Variants in KLHL36 observed in about 807,000 individuals in gnomAD.
KLHL36 encodes kelch like family member 36, also known as kelch-like protein 36.
A neutral mutation model predicts 53.3 loss-of-function variants in KLHL36; 35 were observed. That is an observed-to-expected ratio of 0.66 (90% CI 0.50 to 0.87). The LOEUF is 0.87. KLHL36 is among the 40% of genes least tolerant of loss of function. KLHL36 has a pLI of 0.00. For missense variants in KLHL36, 864 were observed against 897.6 expected (o/e 0.96, Z 0.48); for synonymous variants, 472 against 398.9 (o/e 1.18, Z -2.18).
rs900733059 is a variant in KLHL36, at chr16:84,667,345, T to C, written c.*5212T>C. On this transcript the variant is annotated 3_prime_UTR_variant, in exon 5 of 5. Transcript: ENST00000564996. ...AGATATTTGATGATTAAGTGATTCA[T>C]TGGGTATGTTCTGGCTACTGATGTT... 3 of 152,224 alleles carry C rather than the reference T, an allele frequency of 2.0e-5. No homozygotes were observed. The highest frequency in any genetic ancestry group is 2.1e-4 in the South Asian group (1 of 4,832). 9.4% of individuals were successfully genotyped at this position (152,224 alleles called of 1,614,324 possible). A position where few individuals can be genotyped will look rare whatever the true frequency, so the allele number is the denominator to read the frequency against.
chr16:84,660,930 C>T (rs917029112), intron 4 of KLHL36, among the ~76,000 whole-genome samples: 4 of 152,204 alleles, frequency 2.6e-5, no homozygotes, highest in Non-Finnish European at 5.9e-5. Flanking sequence ...CCATATTGAT[C>T]CTTTCTTATT....
At chr16:84,654,324 G>A (rs1255441309) in intron 2 of KLHL36, among the ~76,000 whole-genome samples, 1 of 152,180 alleles carries the variant, frequency 6.6e-6, no homozygotes, top group Non-Finnish European at 1.5e-5. Context: ...TCCAGTCAAT[G>A]TCTGTAGAAG....
rs570190072 is a variant in KLHL36, at chr16:84,665,637, A to G, written c.*3504A>G. 6.6e-6 allele frequency: 1 copy of G among 152,242 alleles called. No individual in the cohort carries two copies. The highest frequency in any genetic ancestry group is 1.5e-5 in the Non-Finnish European group (1 of 68,038). 9.4% of individuals were successfully genotyped at this position (152,242 alleles called of 1,614,324 possible). A position where few individuals can be genotyped will look rare whatever the true frequency, so the allele number is the denominator to read the frequency against. ...ATATTGAGTGCCCTCACTCATGATA[A>G]GGTGACTTCATGGAGACCCAGAAAC... On this transcript the variant is annotated 3_prime_UTR_variant, in exon 5 of 5. Coordinates refer to ENST00000564996, the MANE Select transcript of KLHL36 (RefSeq NM_024731.4).
In KLHL36 at chr16:84,664,910, C is replaced by T. The variant is rs1907756418; in HGVS notation, c.*2777C>T. 6.6e-6 allele frequency: 1 copy of T among 152,236 alleles called. No homozygotes were observed. Among genetic ancestry groups the T allele is most frequent in the Non-Finnish European group, 1.5e-5 (1 of 68,082 alleles). The allele number at this position is 152,236 out of a possible 1,614,324, so 9.4% of individuals were successfully genotyped here. On this transcript the variant is annotated 3_prime_UTR_variant, in exon 5 of 5. Transcript: ENST00000564996. ...GGGATGGTGGGGCATGCAGTAGTCC[C>T]AGCTGCTTAGGAGGCTGAGGTGGGA...
In KLHL36 at chr16:84,661,463, C is replaced by G; in HGVS notation, c.1296-115C>G. ...AGAGTGTTCATGGGGTGCCCACTCC[C>G]TATATTCTTAAATCCTCATGGCCCT... On this transcript the variant is annotated intron_variant, in intron 4 of 4. Coordinates refer to ENST00000564996, the MANE Select transcript of KLHL36 (RefSeq NM_024731.4). This position sits in a 1 kb window ranked among gnomAD's most constrained non-coding sequence, Gnocchi z 7.9. 1.9e-6 allele frequency: 2 copies of G among 1,050,112 alleles called. No individual in the cohort carries two copies. Among genetic ancestry groups the G allele is most frequent in the Non-Finnish European group, 2.8e-6 (2 of 722,998 alleles). The allele number at this position is 1,050,112 out of a possible 1,614,324, so 65.0% of individuals were successfully genotyped here.
At chr16:84,655,019 T>C (rs1423992654) in intron 2 of KLHL36, among the ~76,000 whole-genome samples, 1 of 152,066 alleles carries the variant, frequency 6.6e-6, no homozygotes, top group African/African-American at 2.4e-5. Context: ...AAAAGCCCGG[T>C]GTAGGCCAGC....
At chr16:84,658,149 G>A (rs1031013094) in intron 3 of KLHL36, 73 of 485,644 alleles carry the variant, frequency 1.5e-4, no homozygotes, top group Middle Eastern at 5.2e-4. Flanking sequence ...CGAGGGGTCC[G>A]TCATCGTTCA....
chr16:84,652,750 C>A (rs759045576), intron 2 of KLHL36, among the ~76,000 whole-genome samples: 36 of 152,354 alleles, frequency 2.4e-4, no homozygotes, highest in Non-Finnish European at 4.0e-4. Flanking sequence ...TGAACTTTGT[C>A]TAAACGGGAT....
chr16:84,664,443 C>T lies in KLHL36; in HGVS notation c.*2310C>T. 1 of 152,240 alleles carries T rather than the reference C, an allele frequency of 6.6e-6. No homozygotes were observed. Among genetic ancestry groups the T allele is most frequent in the African/African-American group, 2.4e-5 (1 of 41,540 alleles). The allele number at this position is 152,240 out of a possible 1,614,324, so 9.4% of individuals were successfully genotyped here. On this transcript the variant is annotated 3_prime_UTR_variant, in exon 5 of 5. Transcript: ENST00000564996. Reference sequence around the variant, plus strand: ...TTATGTTTTGCTTCTGGGACTTGTCCCTGGAAATGTGTGAGCTTCTGGCCT... The same window carrying T: ...TTATGTTTTGCTTCTGGGACTTGTCTCTGGAAATGTGTGAGCTTCTGGCCT...
intron 3 of KLHL36, 21 bp downstream of exon 3, chr16:84,657,965 TTTC>T: frequency 6.8e-7 from 1 of 1,480,496 alleles, no homozygotes; most frequent in South Asian, 1.4e-5. Context: ...AGCCAGATTA[TTTC>T]TTTTCTCTTG....
chr16:84,658,025 TCTGGGGCCTTGACAACTATCCTG>T, intron 3 of KLHL36, 81 bp downstream of exon 3: 1 of 1,054,824 alleles, frequency 9.5e-7, no homozygotes, highest in Non-Finnish European at 1.3e-6. Flanking sequence ...TCCTTACCTC[TCTGGGGCCTTGACAACTATCCTG>T]CTTCTGAATG....
At position 84,657,717 on chromosome 16, in the gene KLHL36, G is replaced by A. The variant is rs1308355357; in HGVS notation, c.910G>A (p.Val304Ile). ...GCGCCTGCTGTTTGTGGGCGGCGAG[G>A]TCTCCGAGCGGTGTCTGGAGCTCAG... The part of the protein sequence containing the change: ...QERLLFVGGE[V>I]SERCLELSDD... Residue 304 changes from valine to isoleucine, a missense_variant, in exon 3 of 5, where the codon GTC becomes ATC. Transcript: ENST00000564996. 1 of 1,612,552 alleles carries A rather than the reference G, an allele frequency of 6.2e-7. No homozygotes were observed. The highest frequency in any genetic ancestry group is 8.5e-7 in the Non-Finnish European group (1 of 1,179,752).
Position 84,655,512 on chromosome 16 carries a change from G to C in KLHL36, c.64-1359G>C, listed in dbSNP as rs561014304. 4.6e-5 allele frequency among the ~76,000 whole-genome samples: 7 copies of C among 152,064 alleles called. No homozygotes were observed. The South Asian group carries it at 1.5e-3, about 32-fold the overall frequency. ...GAATCACTTGAGCCCAGGAGGTCAA[G>C]GGCGACATAGTGAGACCTCGTCTCT... On this transcript the variant is annotated intron_variant, in intron 2 of 4. Coordinates refer to ENST00000564996, the MANE Select transcript of KLHL36 (RefSeq NM_024731.4).
chr16:84,654,140 A>G (rs1185435168), intron 2 of KLHL36, among the ~76,000 whole-genome samples: 1 of 152,140 alleles, frequency 6.6e-6, no homozygotes, highest in Non-Finnish European at 1.5e-5. Context: ...CCGTCTAAGC[A>G]TGGTAGGGCC....
chr16:84,650,373 C>T (rs1906785806), intron 1 of KLHL36, among the ~76,000 whole-genome samples: 1 of 152,150 alleles, frequency 6.6e-6, no homozygotes, highest in African/African-American at 2.4e-5. Context: ...GCTGGACAGA[C>T]CGAGGCGTGA....
chr16:84,649,892 C>G (rs2150716365), intron 1 of KLHL36, among the ~76,000 whole-genome samples: 1 of 152,324 alleles, frequency 6.6e-6, no homozygotes, highest in Non-Finnish European at 1.5e-5. Context: ...CAGTATGTGA[C>G]TTGTGCTAAT....
chr16:84,665,529 T>C lies in KLHL36; in HGVS notation c.*3396T>C, dbSNP rs1907788957. ...TCAACTGTGGTTAGCACGCAATTGGTATTTTTATTGTTCTGCCATTTTATT... is the reference window on the plus strand; with the variant it reads ...TCAACTGTGGTTAGCACGCAATTGGCATTTTTATTGTTCTGCCATTTTATT... On this transcript the variant is annotated 3_prime_UTR_variant, in exon 5 of 5. Transcript: ENST00000564996. 1 of 152,218 alleles carries C rather than the reference T, an allele frequency of 6.6e-6. No homozygotes were observed. Among genetic ancestry groups the C allele is most frequent in the East Asian group, 1.9e-4 (1 of 5,198 alleles). The allele number at this position is 152,218 out of a possible 1,614,324, so 9.4% of individuals were successfully genotyped here.
In KLHL36 at chr16:84,657,000, G is replaced by T. The variant is rs758692556; in HGVS notation, c.193G>T (p.Ala65Ser). The T allele has an allele frequency of 6.2e-7, 1 of 1,614,116 alleles. No homozygotes were observed. The highest frequency in any genetic ancestry group is 1.1e-5 in the South Asian group (1 of 91,090). The change falls in exon 3 of 5, where the codon GCC (alanine) becomes TCC (serine). Residue 65 changes from alanine to serine, a missense_variant. Coordinates refer to ENST00000564996, the MANE Select transcript of KLHL36 (RefSeq NM_024731.4). Reference sequence around the variant, plus strand: ...TGTGCCAGCCCATCGCAACCTGCTGGCCGTGTGCAGCGACTACTTCAACTC... The same window carrying T: ...TGTGCCAGCCCATCGCAACCTGCTGTCCGTGTGCAGCGACTACTTCAACTC... ...QRVPAHRNLL[A>S]VCSDYFNSMF...
Position 84,662,156 on chromosome 16 carries a change from C to A in KLHL36, c.*23C>A. The stretch of plus-strand genomic sequence containing the variant: ...TGACCCTAGCTGCGCCTCTTGGGAC[C>A]ATCCTCACCGTCACCTCCCAGGGCT... On this transcript the variant is annotated 3_prime_UTR_variant, in exon 5 of 5. Transcript: ENST00000564996. The A allele has an allele frequency of 6.7e-7, 1 of 1,485,858 alleles. No homozygotes were observed. Among genetic ancestry groups the A allele is most frequent in the Non-Finnish European group, 9.0e-7 (1 of 1,112,714 alleles). The allele number at this position is 1,485,858 out of a possible 1,614,324, so 92.0% of individuals were successfully genotyped here. A position where few individuals can be genotyped will look rare whatever the true frequency, so the allele number is the denominator to read the frequency against.
Sources: gnomAD v4.1 joint callset for allele counts (sites outside exome capture counted in the v4.1 genomes callset) on GRCh38, gnomAD v4.1.1 for gene constraint, Gnocchi (gnomAD v3.1) non-coding constraint, MANE v1.5 for transcripts, NCBI Gene and HGNC (gene_info 2026-07-23, HGNC 2026-07-21) for gene names.